The following CSMD1 variants were observed in gnomAD, a reference collection of about 807,000 sequenced individuals.
CSMD1 encodes CUB and sushi domain-containing protein 1.
A neutral mutation model predicts 417.5 loss-of-function variants in CSMD1; 213 were observed. The observed-to-expected ratio is 0.51, with a 90% CI of 0.46 to 0.57. The LOEUF (loss-of-function observed/expected upper bound fraction) is 0.57, where lower values mean the gene tolerates loss of function less well. Ranked by LOEUF, CSMD1 falls within the 20% of genes least tolerant of loss-of-function variation. CSMD1 has a pLI of 0.00. For synonymous variants in CSMD1, 2,862 were observed against 1,736.8 expected (o/e 1.65, Z -16.11); for missense variants, 6,923 against 4,529.7 (o/e 1.53, Z -15.17).
intron 3 of CSMD1, among the ~76,000 whole-genome samples, chr8:4,398,388 C>CTTTTTTTTT (rs767579097): frequency 7.0e-5 from 8 of 114,500 alleles, no homozygotes; most frequent in Non-Finnish European, 8.5e-5. Flanking sequence ...GCTGCAACTT[C>CTTTTTTTTT]TTTTTTTTTT....
intron 1 of CSMD1, among the ~76,000 whole-genome samples, chr8:4,727,782 G>A (rs941248394): frequency 7.9e-5 from 12 of 151,324 alleles, no homozygotes; most frequent in African/African-American, 2.2e-4. Context: ...GCTTCCAGGT[G>A]CTAAATTTGG....
rs189447341 is a variant in CSMD1, at chr8:4,909,824, G to C, written c.85+84508C>G. Among the ~76,000 whole-genome samples the C allele has an allele frequency of 2.0e-4, 31 of 152,210 alleles. No homozygotes were observed. The East Asian group carries it at 6.0e-3, about 29-fold the overall frequency. ...GGACCCACCTGTCCTTCATTTCCAG[G>C]TGGCAATTTAACTGCAACCTCAGTT... is the stretch of plus-strand genomic sequence containing the variant. On this transcript the variant is annotated intron_variant, in intron 1 of 69. Coordinates refer to ENST00000635120, the MANE Select transcript of CSMD1 (RefSeq NM_033225.6).
chr8:2,980,458 T>A (rs1456413616), intron 54 of CSMD1, among the ~76,000 whole-genome samples: 1 of 151,802 alleles, frequency 6.6e-6, no homozygotes, highest in Admixed American at 6.6e-5. Flanking sequence ...CTTCCATCCC[T>A]CTCTTCCTTC....
At position 3,307,819 on chromosome 8, in the gene CSMD1, C is replaced by A; in HGVS notation, c.3826G>T (p.Glu1276Ter). Residue 1276 changes from glutamate (E) to a stop codon, truncating the protein, a stop_gained and splice_region_variant, in exon 25 of 70, where the codon GAA becomes TAA. Coordinates refer to ENST00000635120, the MANE Select transcript of CSMD1 (RefSeq NM_033225.6). LOFTEE classifies it high-confidence loss of function. ...GCTGCATGGATCTGACCACCACATT[C>A]CGCTGTAGAAGACACAGAGAGATGG... ...WDKPLPSCIA[E>*]CGGQIHAATS... is the part of the protein sequence containing the mutation. 6.2e-7 allele frequency: 1 copy of A among 1,611,978 alleles called. No individual in the cohort carries two copies.
chr8:4,617,890 G>T (rs950397923), intron 2 of CSMD1, among the ~76,000 whole-genome samples: 2 of 152,016 alleles, frequency 1.3e-5, no homozygotes, highest in Non-Finnish European at 2.9e-5. Flanking sequence ...CCAGAACCTG[G>T]ACCAATGCCT....
chr8:3,770,842 G>A (rs73658248), intron 5 of CSMD1, among the ~76,000 whole-genome samples: 2,084 of 152,178 alleles, frequency 0.014, 40 homozygotes, highest in African/African-American at 0.048. Context: ...AAAGATAAAG[G>A]AGGAAAAACA....
intron 5 of CSMD1, among the ~76,000 whole-genome samples, chr8:3,984,101 A>AAATGAACTC (rs1407550471): frequency 6.9e-6 from 1 of 144,380 alleles, no homozygotes; most frequent in African/African-American, 2.6e-5. Context: ...AGGGCTGTCA[A>AAATGAACTC]TAGCAACTCT....
At chr8:3,463,571 T>A (rs763837231) in intron 12 of CSMD1, among the ~76,000 whole-genome samples, 59 of 152,322 alleles carry the variant, frequency 3.9e-4, no homozygotes, top group Non-Finnish European at 5.7e-4. Flanking sequence ...ATTGGCTTCA[T>A]GCTCACAAGG....
intron 1 of CSMD1, among the ~76,000 whole-genome samples, chr8:4,897,406 A>G (rs1270140859): frequency 6.6e-6 from 1 of 152,068 alleles, no homozygotes; most frequent in East Asian, 1.9e-4. Context: ...AAAAGTTACA[A>G]CAAATATGAC....
At chr8:4,829,383 C>T (rs77579903) in intron 1 of CSMD1, among the ~76,000 whole-genome samples, 3,202 of 152,192 alleles carry the variant, frequency 0.021, 92 homozygotes, top group African/African-American at 0.06. Flanking sequence ...AAGCTAAAAA[C>T]GTAGAGATAC....
chr8:4,124,973 C>G (rs546532450), intron 3 of CSMD1, among the ~76,000 whole-genome samples: 7 of 152,316 alleles, frequency 4.6e-5, no homozygotes, highest in African/African-American at 1.7e-4. Context: ...GGAAGTTTTA[C>G]TGTCGCTTTT....
chr8:3,004,941 C>A (rs557297250), intron 52 of CSMD1, among the ~76,000 whole-genome samples: 12 of 152,150 alleles, frequency 7.9e-5, no homozygotes, highest in African/African-American at 2.9e-4. Context: ...GAGTTCGAGA[C>A]CAGCCTGGCC....
chr8:4,773,015 G>T (rs192980681), intron 1 of CSMD1, among the ~76,000 whole-genome samples: 1 of 152,224 alleles, frequency 6.6e-6, no homozygotes. Flanking sequence ...CAATTAACAA[G>T]AAATGCTCAT....
chr8:3,338,555 A>G (rs1409199066), intron 23 of CSMD1, among the ~76,000 whole-genome samples: 6 of 152,126 alleles, frequency 3.9e-5, no homozygotes, highest in African/African-American at 9.7e-5. Flanking sequence ...GAATGTCCCT[A>G]TTTCCCTGTC....
intron 1 of CSMD1, among the ~76,000 whole-genome samples, chr8:4,741,601 C>T (rs867889933): frequency 3.3e-5 from 5 of 152,166 alleles, no homozygotes; most frequent in African/African-American, 9.7e-5. Context: ...GCTTGGACAA[C>T]AGGACCTTTG....
intron 40 of CSMD1, 29 bp downstream of exon 40, chr8:3,151,368 T>C: frequency 7.0e-7 from 1 of 1,438,332 alleles, no homozygotes; most frequent in Non-Finnish European, 9.7e-7. Flanking sequence ...AAAAATGAAC[T>C]TTTAGGAATT....
chr8:3,483,300 C>A (rs971941688), intron 11 of CSMD1, among the ~76,000 whole-genome samples: 1 of 151,732 alleles, frequency 6.6e-6, no homozygotes, highest in African/African-American at 2.4e-5. Context: ...AAAATAGAGG[C>A]TATTACTACA....
chr8:4,465,358 T>C (rs754666625), intron 2 of CSMD1, among the ~76,000 whole-genome samples: 7 of 152,190 alleles, frequency 4.6e-5, no homozygotes, highest in African/African-American at 9.6e-5. Flanking sequence ...TCAGTACATG[T>C]CTACTAAAGA....
intron 21 of CSMD1, among the ~76,000 whole-genome samples, chr8:3,351,697 A>G (rs1388918408): frequency 6.7e-6 from 1 of 149,010 alleles, no homozygotes; most frequent in Non-Finnish European, 1.5e-5. Context: ...ATGATATACG[A>G]ATAATTGTAT....
Sources: gnomAD v4.1 joint callset for allele counts (sites outside exome capture counted in the v4.1 genomes callset) on GRCh38, gnomAD v4.1.1 for gene constraint, MANE v1.5 for transcripts, NCBI Gene and HGNC (gene_info 2026-07-23, HGNC 2026-07-21) for gene names.